The following ATRIP variants were observed in gnomAD, a reference collection of about 807,000 sequenced individuals.
The protein encoded by ATRIP is ATR-interacting protein.
Under a neutral mutation model 78.1 loss-of-function variants are expected in ATRIP, and 44 were observed. The ratio of observed to expected loss-of-function variants is 0.56; its 90% CI spans 0.44 to 0.72. The LOEUF (loss-of-function observed/expected upper bound fraction) is 0.72, where lower values mean the gene tolerates loss of function less well. ATRIP is among the 30% of genes least tolerant of loss of function. The pLI is 0.00. For synonymous variants in ATRIP, 388 were observed against 408.9 expected (o/e 0.95, Z 0.62); for missense variants, 927 against 980.2 (o/e 0.95, Z 0.72).
Position 48,463,827 on chromosome 3 carries a change from C to T in ATRIP, c.1828C>T (p.Leu610Phe). 1 of 1,614,142 alleles carries T rather than the reference C, an allele frequency of 6.2e-7. No homozygotes were observed. Among genetic ancestry groups the T allele is most frequent in the Non-Finnish European group, 8.5e-7 (1 of 1,180,020 alleles). ...TAGCGTGCTGCTGGCTGTTGAGCTC[C>T]TCTCCCTGCTGGCGGACCACGACCA... The part of the protein sequence containing the change: ...LPSVLLAVEL[L>F]SLLADHDQLA... Residue 610 changes from leucine to phenylalanine, a missense_variant, in exon 9 of 13, where the codon CTC (leucine) becomes TTC (phenylalanine). Coordinates refer to ENST00000320211, the MANE Select transcript of ATRIP (RefSeq NM_130384.3).
At chr3:48,459,752 G>C (rs1168025103) in intron 6 of ATRIP, 35 bp from the exon 7 acceptor site, 4 of 1,601,610 alleles carry the variant, frequency 2.5e-6, no homozygotes, top group Non-Finnish European at 3.4e-6. Context: ...GATCTCCCAT[G>C]TCAGAACCTT....
At chr3:48,464,204 T>C in intron 10 of ATRIP, 72 bp downstream of exon 10, 1 of 1,313,068 alleles carries the variant, frequency 7.6e-7, no homozygotes, top group Non-Finnish European at 1.1e-6. Context: ...CTCCTTTCTT[T>C]CCGCTGAGGA....
Position 48,467,492 on chromosome 3 carries a change from T to G in ATRIP, c.*1938T>G. ...AGGATCTTCCTCCAGTGAAGGACCC[T>G]GGAGCCCTATCCAGGGAGGGGCTGC... On this transcript the variant is annotated 3_prime_UTR_variant, in exon 13 of 13. Transcript: ENST00000320211. 6.2e-7 allele frequency: 1 copy of G among 1,614,088 alleles called. No homozygotes were observed. The highest frequency in any genetic ancestry group is 1.3e-5 in the African/African-American group (1 of 75,050).
At chr3:48,450,513 T>A (rs1171709998) in intron 2 of ATRIP, 2 of 1,292,580 alleles carry the variant, frequency 1.5e-6, no homozygotes, top group Admixed American at 4.6e-5. Flanking sequence ...AAGCAGACAC[T>A]TCATATCACC....
At chr3:48,449,277 G>C (rs926456339) in intron 1 of ATRIP, among the ~76,000 whole-genome samples, 3 of 151,862 alleles carry the variant, frequency 2.0e-5, no homozygotes, top group Admixed American at 6.6e-5. Context: ...AGCCGGGCGT[G>C]GTAGCACACG....
rs1230036519 is a variant in ATRIP, at chr3:48,467,217, G to GA, written c.*1663_*1664insA. ...AGGCAGCATCTACACTCGCCTGTAT[G>GA]GGCAGTCCCCTCCAGACTCGCACAC... On this transcript the variant is annotated 3_prime_UTR_variant, in exon 13 of 13. Coordinates refer to ENST00000320211, the MANE Select transcript of ATRIP (RefSeq NM_130384.3). 2.5e-6 allele frequency: 4 copies of GA among 1,614,010 alleles called. No homozygotes were observed. The South Asian group carries it at 4.4e-5, about 18-fold the overall frequency.
Position 48,466,557 on chromosome 3 carries a change from C to A in ATRIP, c.*1003C>A, listed in dbSNP as rs371026419. The A allele has an allele frequency of 1.2e-6, 2 of 1,613,870 alleles. No homozygotes were observed. Among genetic ancestry groups the A allele is most frequent in the Middle Eastern group, 1.6e-4 (1 of 6,062 alleles). On this transcript the variant is annotated 3_prime_UTR_variant, in exon 13 of 13. Coordinates refer to ENST00000320211, the MANE Select transcript of ATRIP (RefSeq NM_130384.3). ...AAGGCCTGAGATGTGCTTCTGCCCA[C>A]CCCCTACCCCACTCCCTCCCCTTCG...
rs776885477 is a variant in ATRIP, at chr3:48,467,118, A to G, written c.*1564A>G. The G allele has an allele frequency of 6.2e-6, 10 of 1,613,950 alleles. No homozygotes were observed. The highest frequency in any genetic ancestry group is 2.2e-5 in the East Asian group (1 of 44,878). On this transcript the variant is annotated 3_prime_UTR_variant, in exon 13 of 13. Transcript: ENST00000320211. ...TCTGGATGGTGCCTTCTGTGTGGATAGCATCACTGCGCTGAAGGCCCTGGA... is the reference window on the plus strand; with the variant it reads ...TCTGGATGGTGCCTTCTGTGTGGATGGCATCACTGCGCTGAAGGCCCTGGA...
intron 6 of ATRIP, 109 bp from the exon 7 acceptor site, chr3:48,459,678 G>A (rs2040047263): frequency 2.1e-6 from 3 of 1,445,452 alleles, no homozygotes; most frequent in East Asian, 4.5e-5. Context: ...GGGCTTAGTG[G>A]CAGCCTAGAG....
intron 4 of ATRIP, among the ~76,000 whole-genome samples, chr3:48,455,587 T>G (rs746129031): frequency 2.2e-4 from 34 of 152,000 alleles, no homozygotes; most frequent in South Asian, 8.3e-4. Context: ...CCTCCCGGGT[T>G]CAAGTGATTC....
Position 48,464,504 on chromosome 3 carries a change from C to T in ATRIP, c.1975-78C>T. The T allele has an allele frequency of 2.7e-6, 4 of 1,466,854 alleles. No individual in the cohort carries two copies. In the South Asian group the frequency reaches 3.4e-5, roughly 13 times the overall value. 90.9% of individuals were successfully genotyped at this position (1,466,854 alleles called of 1,614,324 possible). A position where few individuals can be genotyped will look rare whatever the true frequency, so the allele number is the denominator to read the frequency against. On this transcript the variant is annotated intron_variant, in intron 10 of 12. Transcript: ENST00000320211. ...AAACAGTTGCTGAAGCAAGTGAACT[C>T]TTATAGAAGCTTAAGAAAACCCTCG...
intron 3 of ATRIP, among the ~76,000 whole-genome samples, chr3:48,453,343 T>C (rs1167667890): frequency 6.6e-6 from 1 of 152,220 alleles, no homozygotes; most frequent in Admixed American, 6.5e-5. Context: ...CTTTAAGCAC[T>C]TACCTGTGCC....
rs778760695 is a variant in ATRIP, at chr3:48,463,786, C to T, written c.1787C>T (p.Pro596Leu). ...CAAGTGCTGCCAAAGTGCCTCAGCCCAGAGACACCCCTGCCTAGCGTGCTG... is the reference window on the plus strand; with the variant it reads ...CAAGTGCTGCCAAAGTGCCTCAGCCTAGAGACACCCCTGCCTAGCGTGCTG... Reference protein sequence around the residue: ...VFQVLPKCLSPETPLPSVLLA... With the variant: ...VFQVLPKCLSLETPLPSVLLA... Residue 596 changes from proline (P) to leucine (L), a missense_variant, in exon 9 of 13, where the codon CCA becomes CTA. Coordinates refer to ENST00000320211, the MANE Select transcript of ATRIP (RefSeq NM_130384.3). 1.9e-6 allele frequency: 3 copies of T among 1,614,040 alleles called. No homozygotes were observed. Among genetic ancestry groups the T allele is most frequent in the African/African-American group, 2.7e-5 (2 of 74,906 alleles).
At chr3:48,463,454 G>A (rs2040174188) in intron 8 of ATRIP, among the ~76,000 whole-genome samples, 1 of 151,830 alleles carries the variant, frequency 6.6e-6, no homozygotes, top group African/African-American at 2.4e-5. Context: ...TGGAAGCCAG[G>A]CATCCCAGAT....
chr3:48,466,918 G>A lies in ATRIP; in HGVS notation c.*1364G>A, dbSNP rs1196387946. 1 of 1,611,554 alleles carries A rather than the reference G, an allele frequency of 6.2e-7. No homozygotes were observed. Among genetic ancestry groups the A allele is most frequent in the South Asian group, 1.1e-5 (1 of 91,090 alleles). ...GCAGCCAGCGAGATCACAGGTCTGA[G>A]CACAGCTGTGCTGGCAGCGCATGGG... On this transcript the variant is annotated 3_prime_UTR_variant, in exon 13 of 13. Coordinates refer to ENST00000320211, the MANE Select transcript of ATRIP (RefSeq NM_130384.3).
Position 48,459,784 on chromosome 3 carries a change from C to A in ATRIP, c.926-3C>A. 1 of 1,609,986 alleles carries A rather than the reference C, an allele frequency of 6.2e-7. No homozygotes were observed. Among genetic ancestry groups the A allele is most frequent in the Non-Finnish European group, 8.5e-7 (1 of 1,178,928 alleles). ...CCTTCTAGAGTCATCTTGTCTTCTG[C>A]AGGTTCCATTTTGATAAACCTGCTC... is the stretch of plus-strand genomic sequence containing the variant. On this transcript the variant is annotated splice_polypyrimidine_tract_variant and splice_region_variant and intron_variant, in intron 6 of 12. Transcript: ENST00000320211.
chr3:48,464,609 G>A lies in ATRIP; in HGVS notation c.2002G>A (p.Val668Met). The A allele has an allele frequency of 6.2e-7, 1 of 1,614,194 alleles. No homozygotes were observed. The highest frequency in any genetic ancestry group is 8.5e-7 in the Non-Finnish European group (1 of 1,180,016). The change falls in exon 11 of 13, where the codon GTG becomes ATG. Residue 668 changes from valine to methionine, a missense_variant. Physicochemically the swap from Val to Met is conservative, Grantham distance 21. Coordinates refer to ENST00000320211, the MANE Select transcript of ATRIP (RefSeq NM_130384.3). The part of the protein sequence containing the change: ...EVVWLLAKLG[V>M]QSPLPPVTGS... ...GGTGTGGCTCCTGGCTAAGCTTGGT[G>A]TGCAGAGCCCCTTGCCCCCAGTCAC...
intron 4 of ATRIP, among the ~76,000 whole-genome samples, chr3:48,455,950 G>A (rs2039945429): frequency 6.6e-6 from 1 of 151,974 alleles, no homozygotes; most frequent in African/African-American, 2.4e-5. Context: ...ATGAAACCCT[G>A]TCTCTACTGA....
At chr3:48,450,012 A>C (rs2039793959) in intron 1 of ATRIP, 25 bp from the exon 2 acceptor site, 2 of 1,582,264 alleles carry the variant, frequency 1.3e-6, no homozygotes, top group Non-Finnish European at 1.7e-6. Flanking sequence ...GGGTCCTGAA[A>C]TGTATATGGA....
Sources: allele counts gnomAD v4.1 joint callset (sites outside exome capture counted in the v4.1 genomes callset), GRCh38; gene constraint gnomAD v4.1.1; transcripts MANE v1.5; gene names NCBI Gene and HGNC (gene_info 2026-07-23, HGNC 2026-07-21).